The following ERC2 variants were observed in gnomAD, a reference collection of about 807,000 sequenced individuals.
ERC2 encodes ELKS/RAB6-interacting/CAST family member 2.
A neutral mutation model predicts 114.8 loss-of-function variants in ERC2; 42 were observed. That is an observed-to-expected ratio of 0.37 (90% CI 0.29 to 0.47). ERC2 has a LOEUF of 0.47. ERC2 is among the 20% of genes least tolerant of loss of function. The pLI is 0.99. For missense variants in ERC2, 939 were observed against 1,150.7 expected, an observed-to-expected ratio of 0.82 and a Z score of 2.66; for synonymous variants, 454 against 425.5, an observed-to-expected ratio of 1.07 and a Z score of -0.82.
intron 13 of ERC2, among the ~76,000 whole-genome samples, chr3:55,933,208 CAAA>C (rs36050362): frequency 1.4e-5 from 2 of 138,288 alleles, no homozygotes. Context: ...GACTTTGTCT[CAAA>C]AAAAAAAAAA....
At chr3:56,348,954 A>G (rs1576540777) in intron 2 of ERC2, among the ~76,000 whole-genome samples, 1 of 141,794 alleles carries the variant, frequency 7.1e-6, no homozygotes, top group East Asian at 2.0e-4. Context: ...GAAGGAAGGA[A>G]GGAAAGAAAG....
At chr3:55,752,015 C>G (rs1014677263) in intron 14 of ERC2, among the ~76,000 whole-genome samples, 1 of 152,180 alleles carries the variant, frequency 6.6e-6, no homozygotes, top group Non-Finnish European at 1.5e-5. Context: ...CTCCAGTACC[C>G]TCAGTAGCAG....
chr3:55,814,245 A>G (rs1575687270), intron 14 of ERC2, among the ~76,000 whole-genome samples: 1 of 152,208 alleles, frequency 6.6e-6, no homozygotes, highest in African/African-American at 2.4e-5. Context: ...GACATGCATA[A>G]TCCAACCTTC....
At chr3:56,416,308 T>C (rs950019727) in intron 2 of ERC2, among the ~76,000 whole-genome samples, 1 of 152,114 alleles carries the variant, frequency 6.6e-6, no homozygotes, top group South Asian at 2.1e-4. Flanking sequence ...TGCCCAAAGC[T>C]GATCTGTCTC....
At chr3:56,160,096 C>T (rs1412044837) in intron 4 of ERC2, among the ~76,000 whole-genome samples, 1 of 152,160 alleles carries the variant, frequency 6.6e-6, no homozygotes, top group East Asian at 1.9e-4. Context: ...AGAGGCTGAC[C>T]TAATTTGTAT....
rs913433987 is a variant in ERC2 at position 56,180,171 on chromosome 3, G to T, written c.1075-6651C>A. 2.6e-5 allele frequency among the ~76,000 whole-genome samples: 4 copies of T among 152,188 alleles called. No individual in the cohort carries two copies. In the East Asian group the frequency reaches 7.7e-4, roughly 29 times the overall value. ...GAGAGATCAATAGGATGAAGCTAGA[G>T]AATTGACCACTGGACTTAGTCAAGG... On this transcript the variant is annotated intron_variant, in intron 3 of 17. Transcript: ENST00000288221.
In ERC2 at chr3:56,171,742, A is replaced by T. The variant is rs894500184; in HGVS notation, c.1149+1704T>A. The stretch of plus-strand genomic sequence containing the variant: ...TTCTACTTTAAAAAGTCACAAAAAA[A>T]GGTACCAATTATCTTTGTATGGAGA... On this transcript the variant is annotated intron_variant, in intron 4 of 17. Transcript: ENST00000288221. Among the ~76,000 whole-genome samples, 16 of 152,134 alleles carry T rather than the reference A, an allele frequency of 1.1e-4. No individual in the cohort carries two copies. In the East Asian group the frequency reaches 3.1e-3, roughly 29 times the overall value.
At chr3:56,303,213 C>T (rs904211831) in intron 2 of ERC2, among the ~76,000 whole-genome samples, 1 of 152,196 alleles carries the variant, frequency 6.6e-6, no homozygotes, top group African/African-American at 2.4e-5. Context: ...GCTAGGAGCA[C>T]AAATAGAATT....
rs1030837361 is a variant in ERC2, at chr3:55,637,123, G to A, written c.*39+46671C>T. ...CCCAGTTCCTCCTGGGATCAGGCCT[G>A]TGGCTGAGGCCCTGACAGGACAAAG... On this transcript the variant is annotated intron_variant, in intron 17 of 17. Coordinates refer to ENST00000288221, the MANE Select transcript of ERC2 (RefSeq NM_015576.3). Among the ~76,000 whole-genome samples, 52 of 152,210 alleles carry A rather than the reference G, an allele frequency of 3.4e-4. 1 individual carries two copies.
At position 56,001,289 on chromosome 3, in the gene ERC2, T is replaced by C. The variant is rs555661703; in HGVS notation, c.2061+5892A>G. Among the ~76,000 whole-genome samples the C allele has an allele frequency of 2.4e-4, 37 of 152,258 alleles. No individual in the cohort carries two copies. The South Asian group carries it at 5.2e-3, about 21-fold the overall frequency. On this transcript the variant is annotated intron_variant, in intron 10 of 17. Coordinates refer to ENST00000288221, the MANE Select transcript of ERC2 (RefSeq NM_015576.3). Reference sequence around the variant, plus strand: ...GTCCTGTTATTTTTTAATTTTCCTCTATAGGCTTCCATATGGTTGCAAATT... The same window carrying C: ...GTCCTGTTATTTTTTAATTTTCCTCCATAGGCTTCCATATGGTTGCAAATT...
chr3:56,400,646 A>T (rs1015931547), intron 2 of ERC2, among the ~76,000 whole-genome samples: 1 of 152,324 alleles, frequency 6.6e-6, no homozygotes, highest in Non-Finnish European at 1.5e-5. Context: ...ATTTTCCTAC[A>T]AATCTGCAAT....
At chr3:56,203,153 C>G (rs761578099) in intron 3 of ERC2, among the ~76,000 whole-genome samples, 17 of 152,160 alleles carry the variant, frequency 1.1e-4, no homozygotes, top group Non-Finnish European at 2.2e-4. Flanking sequence ...ACATAAACCT[C>G]TTAGGGAAAC....
chr3:55,716,596 G>A (rs899089639), intron 15 of ERC2, among the ~76,000 whole-genome samples: 2 of 152,274 alleles, frequency 1.3e-5, no homozygotes, highest in African/African-American at 2.4e-5. Context: ...CTAGATACCT[G>A]AGCTAAGTCT....
intron 7 of ERC2, among the ~76,000 whole-genome samples, chr3:56,028,191 G>C (rs528568574): frequency 6.6e-6 from 1 of 152,184 alleles, no homozygotes; most frequent in South Asian, 2.1e-4. Context: ...ACACTGTCTT[G>C]ATTACAGTAA....
chr3:55,997,429 C>A (rs2071603826), intron 10 of ERC2, among the ~76,000 whole-genome samples: 1 of 150,958 alleles, frequency 6.6e-6, no homozygotes, highest in Non-Finnish European at 1.5e-5. Context: ...GAATTTCAAT[C>A]TTCTCATAAT....
intron 15 of ERC2, among the ~76,000 whole-genome samples, chr3:55,713,052 T>C (rs554215853): frequency 1.3e-5 from 2 of 151,760 alleles, no homozygotes; most frequent in South Asian, 4.2e-4. Context: ...TGCTCTAATT[T>C]ACAATTGATT....
intron 11 of ERC2, among the ~76,000 whole-genome samples, chr3:55,986,520 T>C (rs2070649480): frequency 6.6e-6 from 1 of 152,118 alleles, no homozygotes; most frequent in African/African-American, 2.4e-5. Flanking sequence ...TGGCTTTCGG[T>C]TCAAAGATTT....
At chr3:56,226,041 C>T (rs78619752) in intron 3 of ERC2, among the ~76,000 whole-genome samples, 4,599 of 152,228 alleles carry the variant, frequency 0.03, 236 homozygotes, top group African/African-American at 0.11. Flanking sequence ...TTCTACTATT[C>T]TACTATTTTT....
At chr3:56,287,861 C>T (rs758879219) in intron 3 of ERC2, among the ~76,000 whole-genome samples, 4 of 152,152 alleles carry the variant, frequency 2.6e-5, no homozygotes, top group African/African-American at 9.7e-5. Flanking sequence ...AACCATTGTT[C>T]CGTTCAGAGT....
Sources: gnomAD v4.1 joint callset for allele counts (sites outside exome capture counted in the v4.1 genomes callset) on GRCh38, gnomAD v4.1.1 for gene constraint, MANE v1.5 for transcripts, NCBI Gene and HGNC (gene_info 2026-07-23, HGNC 2026-07-21) for gene names.